Variants in CACNA1C observed in about 807,000 individuals in gnomAD.
The protein encoded by CACNA1C is voltage-dependent L-type calcium channel subunit alpha-1C.
In CACNA1C, 30 loss-of-function variants were observed where a neutral mutation model predicts 229.0. That is an observed-to-expected ratio of 0.13 (90% CI 0.10 to 0.18). The LOEUF (loss-of-function observed/expected upper bound fraction) is 0.18. CACNA1C is among the 10% of genes least tolerant of loss of function. The probability of loss-of-function intolerance (pLI) is 1.00; values close to 1 mark genes in which losing one functional copy is unlikely to be tolerated. For missense variants in CACNA1C, 1,658 were observed against 2,845.0 expected (o/e 0.58, Z 9.49); for synonymous variants, 1,114 against 1,132.5 (o/e 0.98, Z 0.33).
rs2239132 is a variant in CACNA1C at position 2,120,020 on chromosome 12, T to C, written c.372-305T>C. On this transcript the variant is annotated intron_variant, in intron 2 of 46. Coordinates refer to ENST00000399655, the MANE Select transcript of CACNA1C (RefSeq NM_000719.7). ...CTTTAGAGGCAACCTCAGGCACACA[T>C]TGGGGAGAATGAAGACCAATGCAAT... is the stretch of plus-strand genomic sequence containing the variant. 1.7e-3 allele frequency among the ~76,000 whole-genome samples: 261 copies of C among 152,280 alleles called. 2 individuals carry two copies. In the East Asian group the frequency reaches 0.024, roughly 14 times the overall value.
In CACNA1C at chr12:2,454,655, A is replaced by G. The variant is rs1567782288; in HGVS notation, c.618-2912A>G. Among the ~76,000 whole-genome samples the G allele has an allele frequency of 4.0e-5, 6 of 151,724 alleles. No homozygotes were observed. The South Asian group carries it at 1.2e-3, about 32-fold the overall frequency. Reference sequence around the variant, plus strand: ...TCAAGAAATCTGCAAAGTTGAGCAGACTCTCACTTTACACTCATGACCTCC... The same window carrying G: ...TCAAGAAATCTGCAAAGTTGAGCAGGCTCTCACTTTACACTCATGACCTCC... On this transcript the variant is annotated intron_variant, in intron 4 of 46. Transcript: ENST00000399655.
At chr12:2,135,585 C>T (rs1186858219) in intron 3 of CACNA1C, among the ~76,000 whole-genome samples, 1 of 135,788 alleles carries the variant, frequency 7.4e-6, no homozygotes, top group East Asian at 2.0e-4. Flanking sequence ...GTCAGTCTGC[C>T]CCTGCTGGGG....
chr12:2,482,595 TC>T (rs1387272642), intron 5 of CACNA1C, among the ~76,000 whole-genome samples: 2 of 152,202 alleles, frequency 1.3e-5, no homozygotes, highest in African/African-American at 4.8e-5. Flanking sequence ...CAGAACGCGC[TC>T]ATCAAGTTGG....
intron 3 of CACNA1C, among the ~76,000 whole-genome samples, chr12:2,437,837 ATGATGGTGG>A (rs1283090332): frequency 1.2e-5 from 1 of 86,400 alleles, no homozygotes; most frequent in Non-Finnish European, 2.9e-5. Context: ...GGTGGTGGTA[ATGATGGTGG>A]TGATGATGGT....
Position 2,415,091 on chromosome 12 carries a change from G to A in CACNA1C, c.478-33885G>A, listed in dbSNP as rs1026582612. On this transcript the variant is annotated intron_variant, in intron 3 of 46. Coordinates refer to ENST00000399655, the MANE Select transcript of CACNA1C (RefSeq NM_000719.7). Reference sequence around the variant, plus strand: ...GGGCAGATACCTCTGTGGCATGCGAGTGTGGGACCTGAACCCAGGTTCTGT... The same window carrying A: ...GGGCAGATACCTCTGTGGCATGCGAATGTGGGACCTGAACCCAGGTTCTGT... 3.3e-5 allele frequency among the ~76,000 whole-genome samples: 5 copies of A among 152,230 alleles called. No individual in the cohort carries two copies. The East Asian group carries it at 5.8e-4, about 18-fold the overall frequency.
At chr12:2,195,716 T>G (rs1340953352) in intron 3 of CACNA1C, among the ~76,000 whole-genome samples, 1 of 152,058 alleles carries the variant, frequency 6.6e-6, no homozygotes, top group Non-Finnish European at 1.5e-5. Context: ...AGTCGCAAGA[T>G]TATATTACTC....
intron 3 of CACNA1C, among the ~76,000 whole-genome samples, chr12:2,440,128 T>C (rs570585385): frequency 6.6e-6 from 1 of 152,286 alleles, no homozygotes; most frequent in East Asian, 1.9e-4. Flanking sequence ...TGTGGTAAAA[T>C]ATATATAACA....
chr12:1,991,659 A>G (rs1240621520), intron 1 of CACNA1C: 1 of 179,502 alleles, frequency 5.6e-6, no homozygotes, highest in African/African-American at 2.4e-5. Context: ...GTTAGTGACT[A>G]TCATAGTGGA....
chr12:2,006,337 G>A (rs1400376451), intron 1 of CACNA1C, among the ~76,000 whole-genome samples: 1 of 152,146 alleles, frequency 6.6e-6, no homozygotes, highest in Non-Finnish European at 1.5e-5. Context: ...GAACCCGGGA[G>A]GCAGAGGTTG....
chr12:2,593,481 A>T (rs1033424294), intron 19 of CACNA1C, 136 bp downstream of exon 19: 1 of 785,290 alleles, frequency 1.3e-6, no homozygotes, highest in Non-Finnish European at 1.9e-6. Flanking sequence ...ACAGGCACTC[A>T]TTTAGGGAAG....
intron 1 of CACNA1C, chr12:1,998,010 T>C: frequency 1.3e-6 from 2 of 1,578,590 alleles, no homozygotes; most frequent in East Asian, 2.3e-5. Flanking sequence ...AAGACATGTA[T>C]GTTCTCTTCA....
intron 3 of CACNA1C, chr12:2,220,562 G>A (rs1259905414): frequency 6.6e-6 from 1 of 152,214 alleles, no homozygotes; most frequent in African/African-American, 2.4e-5. Context: ...TCTGATGTAG[G>A]AGAGCCATCT....
chr12:2,567,832 A>T, intron 13 of CACNA1C, 38 bp downstream of exon 13: 1 of 1,312,942 alleles, frequency 7.6e-7, no homozygotes, highest in Non-Finnish European at 1.1e-6. Flanking sequence ...GAGGGGACTC[A>T]GGAAGAAGTT....
chr12:2,369,592 C>T (rs542842288), intron 3 of CACNA1C, among the ~76,000 whole-genome samples: 17 of 152,030 alleles, frequency 1.1e-4, no homozygotes, highest in African/African-American at 4.1e-4. Context: ...TTAGTAGAGT[C>T]AGGGTTTCAC....
chr12:2,591,184 G>T (rs1389855729), intron 18 of CACNA1C, among the ~76,000 whole-genome samples: 1 of 152,112 alleles, frequency 6.6e-6, no homozygotes, highest in African/African-American at 2.4e-5. Context: ...AATGCTTTTT[G>T]CTTGATAAAG....
At chr12:2,135,441 T>C (rs1245829143) in intron 3 of CACNA1C, among the ~76,000 whole-genome samples, 1 of 140,698 alleles carries the variant, frequency 7.1e-6, no homozygotes, top group African/African-American at 2.9e-5. Flanking sequence ...TGTGGTTTTA[T>C]CTACTTTTGG....
At chr12:2,430,281 A>C (rs1469916208) in intron 3 of CACNA1C, among the ~76,000 whole-genome samples, 1 of 152,212 alleles carries the variant, frequency 6.6e-6, no homozygotes, top group Non-Finnish European at 1.5e-5. Context: ...CATTCGGACC[A>C]TAACAAGCAG....
chr12:2,416,109 C>T (rs1403222289), intron 3 of CACNA1C, among the ~76,000 whole-genome samples: 1 of 152,204 alleles, frequency 6.6e-6, no homozygotes, highest in Non-Finnish European at 1.5e-5. Flanking sequence ...GTGCCTCCTT[C>T]TCAGAGAGGC....
chr12:2,226,120 GACGCGCAC>G (rs2062873235), intron 3 of CACNA1C, among the ~76,000 whole-genome samples: 3 of 107,884 alleles, frequency 2.8e-5, no homozygotes, highest in African/African-American at 7.9e-5. Context: ...TGGATATGGG[GACGCGCAC>G]ACACACACAC....
Sources: allele counts gnomAD v4.1 joint callset (sites outside exome capture counted in the v4.1 genomes callset), GRCh38; gene constraint gnomAD v4.1.1; transcripts MANE v1.5; gene names NCBI Gene and HGNC (gene_info 2026-07-23, HGNC 2026-07-21).